HIVEP2: variants seen among roughly 807,000 people sequenced by gnomAD.
HIVEP2 encodes the protein HIVEP zinc finger 2.
Under a neutral mutation model 180.7 loss-of-function variants are expected in HIVEP2, and 14 were observed. That is an observed-to-expected ratio of 0.08 (90% CI 0.05 to 0.12). The LOEUF (loss-of-function observed/expected upper bound fraction) is 0.12, where lower values mean the gene tolerates loss of function less well. Ranked by LOEUF, HIVEP2 falls within the 10% of genes least tolerant of loss-of-function variation. HIVEP2 has a pLI of 1.00. For missense variants in HIVEP2, 2,579 were observed against 3,008.5 expected, an observed-to-expected ratio of 0.86 and a Z score of 3.34; for synonymous variants, 1,184 against 1,136.4, an observed-to-expected ratio of 1.04 and a Z score of -0.84.
rs147160911 is a variant in HIVEP2 at position 142,755,355 on chromosome 6, A to AT, written c.6517-1425dup. On this transcript the variant is annotated intron_variant, in intron 9 of 9. Transcript: ENST00000367603. ...TGCACATAGACAAAATCCCCCTTGT[A>AT]TTTAATCAGGTTTGGAAAAGGCACG... 8.2e-3 allele frequency among the ~76,000 whole-genome samples: 1,253 copies of AT among 152,318 alleles called. 12 individuals are homozygous for AT. Among genetic ancestry groups the AT allele is most frequent in the Non-Finnish European group, 0.012 (793 of 68,008 alleles).
At chr6:142,799,222 T>C (rs2328388) in intron 2 of HIVEP2, among the ~76,000 whole-genome samples, 15,484 of 152,214 alleles carry the variant, frequency 0.1, 1,387 homozygotes, top group East Asian at 0.38. Flanking sequence ...CATTACTACA[T>C]AGAATATAAA....
At chr6:142,941,608 T>C (rs1335062032) in intron 1 of HIVEP2, among the ~76,000 whole-genome samples, 3 of 152,196 alleles carry the variant, frequency 2.0e-5, no homozygotes, top group Non-Finnish European at 2.9e-5. Flanking sequence ...TTTAGCTCCA[T>C]ACTAATAAAG....
chr6:142,858,913 G>A (rs13209704), intron 1 of HIVEP2, among the ~76,000 whole-genome samples: 38,683 of 151,906 alleles, frequency 0.25, 5,348 homozygotes, highest in South Asian at 0.35. Context: ...GATCTCTTGG[G>A]CCCACCTCTC....
At chr6:142,896,548 C>T (rs890010091) in intron 1 of HIVEP2, among the ~76,000 whole-genome samples, 1 of 152,170 alleles carries the variant, frequency 6.6e-6, no homozygotes, top group African/African-American at 2.4e-5. Flanking sequence ...GCTCAGCACT[C>T]TCTGCCATTT....
At chr6:142,925,933 A>C (rs1481720002) in intron 1 of HIVEP2, among the ~76,000 whole-genome samples, 2 of 152,210 alleles carry the variant, frequency 1.3e-5, no homozygotes, top group Non-Finnish European at 2.9e-5. Flanking sequence ...CCAAAAGAAC[A>C]ATCTACCATT....
At chr6:142,818,082 A>G (rs374301991) in intron 2 of HIVEP2, among the ~76,000 whole-genome samples, 4 of 152,246 alleles carry the variant, frequency 2.6e-5, no homozygotes, top group South Asian at 4.2e-4. Context: ...TGAAGCATGT[A>G]TTATTTGCCA....
chr6:142,919,011 C>T (rs1472157226), intron 1 of HIVEP2, among the ~76,000 whole-genome samples: 3 of 152,086 alleles, frequency 2.0e-5, no homozygotes, highest in South Asian at 2.1e-4. Context: ...AAAATACATT[C>T]CTCTGCTTTG....
rs1163980176 is a variant in HIVEP2, at chr6:142,771,385, C to T, written c.3354G>A (p.Gly1118=). Residue 1118 remains glycine, a synonymous_variant, in exon 5 of 10, where the codon GGG becomes GGA. Coordinates refer to ENST00000367603, the MANE Select transcript of HIVEP2 (RefSeq NM_006734.4). The surrounding 1 kb of genome is among the most constrained non-coding windows in gnomAD (Gnocchi z 5.4). ...GCACAGCAGGCGGGCCATGGTGCCA[C>T]CCGGACCGGAGGCCAGCATGCAGGT... The part of the protein sequence containing the change: ...LEHLHAGLRS[G]WHHGPPAVLP... 2.5e-6 allele frequency: 4 copies of T among 1,613,042 alleles called. No individual in the cohort carries two copies. Among genetic ancestry groups the T allele is most frequent in the Non-Finnish European group, 3.4e-6 (4 of 1,179,958 alleles).
intron 1 of HIVEP2, among the ~76,000 whole-genome samples, chr6:142,850,249 A>G (rs1179874778): frequency 6.6e-6 from 1 of 152,206 alleles, no homozygotes; most frequent in Non-Finnish European, 1.5e-5. Flanking sequence ...GAAAAAAAAT[A>G]CAATGTCCTA....
intron 1 of HIVEP2, among the ~76,000 whole-genome samples, chr6:142,840,672 T>C (rs186642642): frequency 7.0e-4 from 106 of 152,264 alleles, no homozygotes; most frequent in African/African-American, 2.3e-3. Context: ...GTCATTTCCT[T>C]CATCATTCCT....
At chr6:142,812,475 A>G (rs1195180135) in intron 2 of HIVEP2, among the ~76,000 whole-genome samples, 1 of 152,198 alleles carries the variant, frequency 6.6e-6, no homozygotes, top group Non-Finnish European at 1.5e-5. Context: ...CAAGACATAA[A>G]AAGATCATAC....
chr6:142,868,029 G>A (rs1252613355), intron 1 of HIVEP2, among the ~76,000 whole-genome samples: 1 of 152,222 alleles, frequency 6.6e-6, no homozygotes, highest in Admixed American at 6.5e-5. Context: ...ATTAGAAACA[G>A]AAAGGAAAAT....
In HIVEP2 at chr6:142,772,766, T is replaced by G; in HGVS notation, c.1973A>C (p.Tyr658Ser). Residue 658 changes from tyrosine (Y) to serine (S), a missense_variant, in exon 5 of 10, where the codon TAC becomes TCC. By Grantham distance (144) the Tyr-to-Ser change is moderately radical. Coordinates refer to ENST00000367603, the MANE Select transcript of HIVEP2 (RefSeq NM_006734.4). The surrounding 1 kb of genome is among the most constrained non-coding windows in gnomAD (Gnocchi z 4.9). ...AGAACTCAAGCAGGAAATGTCCCTG[T>G]AGTTTTGCTTTGGTGTTTCAGAGTC... ...WEDSETPKQN[Y>S]RDISCLSSLK... 6.2e-7 allele frequency: 1 copy of G among 1,614,224 alleles called. No homozygotes were observed. The highest frequency in any genetic ancestry group is 1.1e-5 in the South Asian group (1 of 91,088).
At chr6:142,860,433 A>G (rs928947423) in intron 1 of HIVEP2, among the ~76,000 whole-genome samples, 2 of 152,204 alleles carry the variant, frequency 1.3e-5, no homozygotes, top group African/African-American at 4.8e-5. Context: ...GGAAGACTGA[A>G]GTGCACTGCA....
At chr6:142,922,546 AC>A (rs1777707990) in intron 1 of HIVEP2, among the ~76,000 whole-genome samples, 1 of 152,230 alleles carries the variant, frequency 6.6e-6, no homozygotes, top group African/African-American at 2.4e-5. Flanking sequence ...ATATATTAGT[AC>A]ACTTAAGCCT....
intron 2 of HIVEP2, among the ~76,000 whole-genome samples, chr6:142,833,797 T>C (rs771911317): frequency 1.1e-4 from 17 of 152,174 alleles, no homozygotes; most frequent in Non-Finnish European, 2.5e-4. Context: ...GGGCAGTCTT[T>C]GTAAGGAGGC....
chr6:142,912,561 C>T (rs1247098802), intron 1 of HIVEP2, among the ~76,000 whole-genome samples: 4 of 152,230 alleles, frequency 2.6e-5, no homozygotes, highest in Non-Finnish European at 5.9e-5. Flanking sequence ...GGTCCATGGC[C>T]TTTTAGGAAC....
chr6:142,942,046 T>C (rs1009812517), intron 1 of HIVEP2, among the ~76,000 whole-genome samples: 1 of 152,216 alleles, frequency 6.6e-6, no homozygotes, highest in Non-Finnish European at 1.5e-5. Context: ...TAATTACATG[T>C]CAGTTATTAA....
chr6:142,920,037 A>G (rs1051808855), intron 1 of HIVEP2, among the ~76,000 whole-genome samples: 3 of 152,240 alleles, frequency 2.0e-5, no homozygotes, highest in Non-Finnish European at 4.4e-5. Context: ...AAGTATTTCT[A>G]CAGTAGGAAA....
Sources: allele counts gnomAD v4.1 joint callset (sites outside exome capture counted in the v4.1 genomes callset), GRCh38; gene constraint gnomAD v4.1.1; non-coding constraint Gnocchi (gnomAD v3.1); transcripts MANE v1.5; gene names NCBI Gene and HGNC (gene_info 2026-07-23, HGNC 2026-07-21).